Variants in PEX7 observed in about 807,000 individuals in gnomAD.
PEX7 encodes the protein PTS2 receptor.
PEX7 carries 34 observed loss-of-function variants against 47.5 expected under a neutral mutation model. The ratio of observed to expected loss-of-function variants is 0.72; its 90% CI spans 0.54 to 0.95. The LOEUF (loss-of-function observed/expected upper bound fraction) is 0.95. PEX7 is among the 40% of genes least tolerant of loss of function. The pLI is 0.00. For synonymous variants in PEX7, 141 were observed against 148.8 expected (o/e 0.95, Z 0.38); for missense variants, 394 against 400.3 (o/e 0.98, Z 0.13).
At chr6:136,823,378 A>G (rs1044269145) in intron 1 of PEX7, 79 of 983,284 alleles carry the variant, frequency 8.0e-5, no homozygotes, top group Non-Finnish European at 9.5e-5. Context: ...ACACATTCGC[A>G]AGTAGGTGTT....
In PEX7 at chr6:136,883,184, C is replaced by T. The variant is rs145052100; in HGVS notation, c.803+10931C>T. On this transcript the variant is annotated intron_variant, in intron 8 of 9. Transcript: ENST00000318471. ...AGTGGAATGAAATGTTTCTGAGTGC[C>T]AGGTTTATCAATTAGTAATGTTAAT... Among the ~76,000 whole-genome samples the T allele has an allele frequency of 3.3e-4, 50 of 152,180 alleles. No individual in the cohort carries two copies. In the East Asian group the frequency reaches 9.5e-3, roughly 29 times the overall value.
chr6:136,844,733 G>C (rs916053489), intron 3 of PEX7, among the ~76,000 whole-genome samples: 3 of 151,822 alleles, frequency 2.0e-5, no homozygotes, highest in Non-Finnish European at 4.4e-5. Context: ...CCACCTATAA[G>C]TGACGGGATC....
At chr6:136,832,849 T>G (rs1437746339) in intron 3 of PEX7, among the ~76,000 whole-genome samples, 1 of 152,232 alleles carries the variant, frequency 6.6e-6, no homozygotes, top group Non-Finnish European at 1.5e-5. Context: ...CATCTCTATT[T>G]GAGACCACCT....
At chr6:136,846,792 C>G (rs534918558) in intron 5 of PEX7, among the ~76,000 whole-genome samples, 1 of 152,052 alleles carries the variant, frequency 6.6e-6, no homozygotes, top group Non-Finnish European at 1.5e-5. Flanking sequence ...TGCATAGCGC[C>G]GCAGTAAACA....
intron 3 of PEX7, among the ~76,000 whole-genome samples, chr6:136,828,261 A>C (rs1381954127): frequency 6.6e-6 from 1 of 152,222 alleles, no homozygotes; most frequent in East Asian, 1.9e-4. Context: ...AGTAATGAAT[A>C]AAATAAATGT....
intron 8 of PEX7, among the ~76,000 whole-genome samples, chr6:136,875,851 ATAT>A (rs1309849745): frequency 6.6e-6 from 1 of 152,100 alleles, no homozygotes; most frequent in Non-Finnish European, 1.5e-5. Context: ...TGGTATGTAG[ATAT>A]TATGGTGAAT....
chr6:136,904,664 A>G (rs1022105200), intron 9 of PEX7, among the ~76,000 whole-genome samples: 1 of 144,806 alleles, frequency 6.9e-6, no homozygotes, highest in African/African-American at 2.6e-5. Flanking sequence ...GCTGCCATCC[A>G]TGTAAGATGT....
chr6:136,837,750 C>G (rs994142924), intron 3 of PEX7, among the ~76,000 whole-genome samples: 4 of 152,072 alleles, frequency 2.6e-5, no homozygotes, highest in African/African-American at 9.7e-5. Context: ...TGAAGGGACT[C>G]TCACTGGCCG....
intron 5 of PEX7, among the ~76,000 whole-genome samples, chr6:136,849,712 G>A (rs975097907): frequency 2.0e-5 from 3 of 152,132 alleles, no homozygotes; most frequent in South Asian, 2.1e-4. Context: ...ACTGTGGTCC[G>A]GGAGAAAGTT....
intron 7 of PEX7, among the ~76,000 whole-genome samples, chr6:136,871,639 A>G (rs939602428): frequency 3.3e-5 from 5 of 151,982 alleles, no homozygotes; most frequent in Non-Finnish European, 5.9e-5. Context: ...GCTCACTGCA[A>G]CCTCCACCTT....
intron 5 of PEX7, among the ~76,000 whole-genome samples, chr6:136,862,469 G>A (rs1383697369): frequency 8.6e-5 from 13 of 151,496 alleles, no homozygotes; most frequent in African/African-American, 1.5e-4. Context: ...TTGACCTCCC[G>A]GACTCAAGCA....
intron 8 of PEX7, among the ~76,000 whole-genome samples, chr6:136,892,147 A>G (rs1474479597): frequency 6.6e-6 from 1 of 152,158 alleles, no homozygotes; most frequent in African/African-American, 2.4e-5. Context: ...AAAATTCCCA[A>G]AGTCCTTGCC....
chr6:136,823,420 G>C, intron 1 of PEX7: 1 of 917,918 alleles, frequency 1.1e-6, no homozygotes, highest in Non-Finnish European at 1.3e-6. Flanking sequence ...CCCGTCGCGC[G>C]CATTGGCTCA....
intron 8 of PEX7, among the ~76,000 whole-genome samples, chr6:136,884,316 A>G (rs2115251094): frequency 6.6e-6 from 1 of 152,248 alleles, no homozygotes; most frequent in South Asian, 2.1e-4. Context: ...TTTAAATCTG[A>G]TTGGATTGAT....
intron 9 of PEX7, among the ~76,000 whole-genome samples, chr6:136,906,335 A>T (rs1286174652): frequency 2.6e-5 from 4 of 152,220 alleles, no homozygotes; most frequent in Non-Finnish European, 5.9e-5. Context: ...TATTAAATAT[A>T]TCAACTTTAA....
intron 5 of PEX7, among the ~76,000 whole-genome samples, chr6:136,864,224 G>A (rs1249076474): frequency 3.5e-5 from 5 of 141,408 alleles, no homozygotes; most frequent in Non-Finnish European, 7.6e-5. Flanking sequence ...ACAGTATGTG[G>A]CACATTGGAA....
chr6:136,877,952 C>T (rs1343040492), intron 8 of PEX7, among the ~76,000 whole-genome samples: 5 of 152,024 alleles, frequency 3.3e-5, no homozygotes, highest in Non-Finnish European at 7.4e-5. Flanking sequence ...ATTGTTTTTC[C>T]ATTTGTTTGT....
chr6:136,869,268 GTCTCGCTGTGTCA>G (rs902723611), intron 6 of PEX7, among the ~76,000 whole-genome samples: 7 of 151,794 alleles, frequency 4.6e-5, no homozygotes, highest in African/African-American at 1.7e-4. Context: ...TAGAGACAGG[GTCTCGCTGTGTCA>G]TCCAGGCTGA....
chr6:136,833,913 A>G (rs547939945), intron 3 of PEX7, among the ~76,000 whole-genome samples: 52 of 152,344 alleles, frequency 3.4e-4, no homozygotes, highest in African/African-American at 1.2e-3. Flanking sequence ...TGTGCCAGTC[A>G]TTGAAGATGT....
Sources: gnomAD v4.1 joint callset for allele counts (sites outside exome capture counted in the v4.1 genomes callset) on GRCh38, gnomAD v4.1.1 for gene constraint, MANE v1.5 for transcripts, NCBI Gene and HGNC (gene_info 2026-07-23, HGNC 2026-07-21) for gene names.